The following MEGF11 variants were observed in gnomAD, a reference collection of about 807,000 sequenced individuals.
The protein encoded by MEGF11 is multiple EGF like domains 11.
Under a neutral mutation model 146.6 loss-of-function variants are expected in MEGF11, and 126 were observed. The observed-to-expected ratio is 0.86, with a 90% CI of 0.74 to 1.00. MEGF11 has a LOEUF of 1.00. Ranked by LOEUF, MEGF11 falls within the 50% of genes least tolerant of loss-of-function variation. The pLI, the probability that MEGF11 is intolerant of heterozygous loss-of-function variation, is 0.00. For missense variants in MEGF11, 1,509 were observed against 1,521.2 expected (o/e 0.99, Z 0.13); for synonymous variants, 532 against 583.4 (o/e 0.91, Z 1.27).
chr15:65,981,870 G>C (rs1015116317), intron 6 of MEGF11, among the ~76,000 whole-genome samples: 1 of 152,128 alleles, frequency 6.6e-6, no homozygotes, highest in African/African-American at 2.4e-5. Context: ...TTTGGGTAAG[G>C]TCAGAAGAGA....
chr15:65,965,214 C>A, intron 8 of MEGF11, 94 bp from the exon 9 acceptor site: 1 of 1,087,246 alleles, frequency 9.2e-7, no homozygotes. Flanking sequence ...GGCCATCTGG[C>A]CCAGGCCTGG....
chr15:66,064,547 C>T (rs2085036463), intron 5 of MEGF11, among the ~76,000 whole-genome samples: 1 of 151,870 alleles, frequency 6.6e-6, no homozygotes, highest in Admixed American at 6.6e-5. Context: ...GATGGAGTTT[C>T]ACTCTTGTTG....
chr15:66,194,491 C>T (rs886514977), intron 1 of MEGF11, among the ~76,000 whole-genome samples: 3 of 152,002 alleles, frequency 2.0e-5, no homozygotes, highest in African/African-American at 7.3e-5. Flanking sequence ...ACCTCTAGTC[C>T]CAGATAGTCA....
intron 5 of MEGF11, among the ~76,000 whole-genome samples, chr15:66,010,548 C>T (rs768148056): frequency 2.0e-5 from 3 of 152,160 alleles, no homozygotes; most frequent in Non-Finnish European, 2.9e-5. Context: ...ACATTCAAAG[C>T]CATCCTGGGC....
chr15:66,115,288 C>A (rs1225264575), intron 4 of MEGF11, among the ~76,000 whole-genome samples: 3 of 152,192 alleles, frequency 2.0e-5, no homozygotes, highest in African/African-American at 7.2e-5. Context: ...CTGCAGGCAC[C>A]AGCCCCTGAA....
intron 5 of MEGF11, among the ~76,000 whole-genome samples, chr15:66,056,040 CA>C (rs1459683931): frequency 6.6e-6 from 1 of 152,092 alleles, no homozygotes; most frequent in Non-Finnish European, 1.5e-5. Context: ...GCAGCAGCAC[CA>C]TATGTGAGCG....
At chr15:66,141,861 C>T (rs2141007959) in intron 1 of MEGF11, among the ~76,000 whole-genome samples, 1 of 152,138 alleles carries the variant, frequency 6.6e-6, no homozygotes, top group East Asian at 1.9e-4. Flanking sequence ...TGTGCCTCAG[C>T]TGTGCTTTGA....
At chr15:65,998,676 G>A (rs2082271730) in intron 5 of MEGF11, among the ~76,000 whole-genome samples, 1 of 152,128 alleles carries the variant, frequency 6.6e-6, no homozygotes, top group Non-Finnish European at 1.5e-5. Flanking sequence ...GTCCCCACAT[G>A]CAGCTGAGAG....
At position 66,038,147 on chromosome 15, in the gene MEGF11, A is replaced by G. The variant is rs534269211; in HGVS notation, c.395-55659T>C. Among the ~76,000 whole-genome samples, 7 of 152,358 alleles carry G rather than the reference A, an allele frequency of 4.6e-5. No individual in the cohort carries two copies. In the East Asian group the frequency reaches 1.3e-3, roughly 29 times the overall value. On this transcript the variant is annotated intron_variant, in intron 5 of 25. Transcript: ENST00000395614. ...AAGAGAAGAGTAATTAACAAGATGAATAATGGAAACTTCCTAGGAGCACCA... is the reference window on the plus strand; with the variant it reads ...AAGAGAAGAGTAATTAACAAGATGAGTAATGGAAACTTCCTAGGAGCACCA...
chr15:65,900,855 C>T (rs928209042), intron 24 of MEGF11, among the ~76,000 whole-genome samples: 8 of 152,164 alleles, frequency 5.3e-5, no homozygotes, highest in African/African-American at 1.4e-4. Context: ...AACATCCTTG[C>T]GAGACACTGA....
chr15:66,178,507 A>G (rs1430880599), intron 1 of MEGF11, among the ~76,000 whole-genome samples: 1 of 152,154 alleles, frequency 6.6e-6, no homozygotes, highest in East Asian at 1.9e-4. Flanking sequence ...AGGTTTTAGC[A>G]CCTGAATTCC....
At chr15:66,113,703 A>C (rs2087564166) in intron 4 of MEGF11, among the ~76,000 whole-genome samples, 1 of 152,114 alleles carries the variant, frequency 6.6e-6, no homozygotes, top group Non-Finnish European at 1.5e-5. Context: ...ACCACAGTGA[A>C]ACCCCGTCTC....
intron 1 of MEGF11, among the ~76,000 whole-genome samples, chr15:66,252,577 C>G (rs1372562496): frequency 6.6e-6 from 1 of 152,182 alleles, no homozygotes. Flanking sequence ...CGGGAGAAGC[C>G]GCCCGGGCTC....
chr15:65,974,030 C>A (rs2081375170), intron 7 of MEGF11, among the ~76,000 whole-genome samples: 1 of 152,186 alleles, frequency 6.6e-6, no homozygotes, highest in South Asian at 2.1e-4. Context: ...CCTGCGCATA[C>A]CCGACAGTCA....
intron 1 of MEGF11, among the ~76,000 whole-genome samples, chr15:66,240,820 GTCCTGGGGAAGCTTTTTGGGTACAGCCC>G (rs1248633212): frequency 6.6e-6 from 1 of 152,162 alleles, no homozygotes; most frequent in South Asian, 2.1e-4. Flanking sequence ...GGGTACAGCT[GTCCTGGGGAAGCTTTTTGGGTACAGCCC>G]TCCTGGGGAA....
Position 65,897,990 on chromosome 15 carries a change from G to A in MEGF11, c.3367C>T (p.Leu1123Phe). The change falls in exon 26 of 26, where the codon CTC becomes TTC. Residue 1123 changes from leucine (L) to phenylalanine (F), a missense_variant. By Grantham distance (22) the Leu-to-Phe change is conservative (BLOSUM62 0). Coordinates refer to ENST00000395614, the MANE Select transcript of MEGF11 (RefSeq NM_001385028.1). ...GCAGGGCTCTGTCTTACTGGGAGGA[G>A]GTCATAATGACCAGGAATATGGCTG... ...RNSHIPGHYD[L>F]LPVRQSPANG... The A allele has an allele frequency of 6.2e-7, 1 of 1,613,992 alleles. No homozygotes were observed.
At chr15:65,917,934 G>A in intron 16 of MEGF11, 32 bp downstream of exon 16, 1 of 1,613,596 alleles carries the variant, frequency 6.2e-7, no homozygotes, top group Non-Finnish European at 8.5e-7. Flanking sequence ...CCTGACCCCA[G>A]GTAGGGGCAT....
chr15:65,916,973 A>G lies in MEGF11; in HGVS notation c.2087-17T>C. ...GTGGGCAAGCTGGGATGTCGGTGAA[A>G]TGCAGAGGGTGAGGGGAAGGCAGAG... On this transcript the variant is annotated splice_polypyrimidine_tract_variant and intron_variant, in intron 16 of 25. Transcript: ENST00000395614. 1 of 1,491,828 alleles carries G rather than the reference A, an allele frequency of 6.7e-7. No homozygotes were observed. The highest frequency in any genetic ancestry group is 9.0e-7 in the Non-Finnish European group (1 of 1,114,714). The allele number at this position is 1,491,828 out of a possible 1,614,324, so 92.4% of individuals were successfully genotyped here.
chr15:65,908,444 C>G (rs899424683), intron 23 of MEGF11, among the ~76,000 whole-genome samples: 4 of 152,214 alleles, frequency 2.6e-5, no homozygotes, highest in Non-Finnish European at 4.4e-5. Flanking sequence ...GGCTAACTTT[C>G]CAAGTCTCTT....
Sources: gnomAD v4.1 joint callset for allele counts (sites outside exome capture counted in the v4.1 genomes callset) on GRCh38, gnomAD v4.1.1 for gene constraint, MANE v1.5 for transcripts, NCBI Gene and HGNC (gene_info 2026-07-23, HGNC 2026-07-21) for gene names.